MUC6: variants seen among roughly 807,000 people sequenced by gnomAD.
MUC6 encodes mucin 6, oligomeric mucus/gel-forming (gene/pseudogene).
MUC6 carries 188 observed loss-of-function variants against 201.5 expected under a neutral mutation model. The ratio of observed to expected loss-of-function variants is 0.93; its 90% CI spans 0.83 to 1.05. The LOEUF (loss-of-function observed/expected upper bound fraction) is 1.05, where lower values mean the gene tolerates loss of function less well. Ranked by LOEUF, MUC6 falls within the 50% of genes least tolerant of loss-of-function variation. The probability of loss-of-function intolerance (pLI) is 0.00; values close to 1 mark genes in which losing one functional copy is unlikely to be tolerated. For synonymous variants in MUC6, 1,228 were observed against 1,389.4 expected (o/e 0.88, Z 2.58); for missense variants, 2,706 against 3,256.9 (o/e 0.83, Z 4.12).
In MUC6 at chr11:1,025,012, G is replaced by T. The variant is rs777669127; in HGVS notation, c.3057C>A (p.Tyr1019Ter). The T allele has an allele frequency of 6.8e-6, 11 of 1,612,956 alleles. No individual in the cohort carries two copies. The highest frequency in any genetic ancestry group is 7.6e-6 in the Non-Finnish European group (9 of 1,179,836). Residue 1019 changes from tyrosine (Y) to a stop codon, truncating the protein, a stop_gained, in exon 24 of 33, where the codon TAC becomes TAA. Transcript: ENST00000421673. LOFTEE classifies it high-confidence loss of function. ...MKDDFETRSR[Y>*]VASSELELVN... ...CCAACTCCAGCTCGCTGGATGCCACGTACCTGCTGCGCGTCTCGAAGTCGT... is the reference window on the plus strand; with the variant it reads ...CCAACTCCAGCTCGCTGGATGCCACTTACCTGCTGCGCGTCTCGAAGTCGT...
chr11:1,027,594 G>C, intron 16 of MUC6, 77 bp from the exon 17 acceptor site: 6 of 1,592,042 alleles, frequency 3.8e-6, no homozygotes, highest in Non-Finnish European at 5.1e-6. Context: ...TGCCTGCCGG[G>C]CACTGCAGAG....
At chr11:1,024,713 C>T in intron 24 of MUC6, 131 bp downstream of exon 24, 1 of 1,413,240 alleles carries the variant, frequency 7.1e-7, no homozygotes, top group East Asian at 2.5e-5. Flanking sequence ...GTCTGAAACT[C>T]TCTGCACCCT....
chr11:1,014,828 C>A (rs1444776025), intron 31 of MUC6, among the ~76,000 whole-genome samples: 1 of 152,160 alleles, frequency 6.6e-6, no homozygotes, highest in Non-Finnish European at 1.5e-5. Context: ...CTTCCATAGG[C>A]CCTGCCGTCC....
Position 1,025,312 on chromosome 11 carries a change from T to G in MUC6, c.2855A>C (p.His952Pro), listed in dbSNP as rs1856929468. The G allele has an allele frequency of 1.9e-6, 3 of 1,612,392 alleles. No homozygotes were observed. The highest frequency in any genetic ancestry group is 2.5e-6 in the Non-Finnish European group (3 of 1,179,678). The change falls in exon 23 of 33, where the codon CAC becomes CCC. Residue 952 changes from histidine to proline, a missense_variant. Physicochemically the swap from His to Pro is moderately conservative, Grantham distance 77 (BLOSUM62 -2). Coordinates refer to ENST00000421673, the MANE Select transcript of MUC6 (RefSeq NM_005961.3). Reference sequence around the variant, plus strand: ...ACCCGGCGTCACCCCGAGCTGCACGTGGGGCTCCTCCCCGGTGACCGTGTA... The same window carrying G: ...ACCCGGCGTCACCCCGAGCTGCACGGGGGGCTCCTCCCCGGTGACCGTGTA... Reference protein sequence around the residue: ...RNYTVTGEEPHVQLGVTPGAL... With the variant: ...RNYTVTGEEPPVQLGVTPGAL...
In MUC6 at chr11:1,023,570, C is replaced by T. The variant is rs1246960082; in HGVS notation, c.3465G>A (p.Trp1155Ter). 14 of 1,609,056 alleles carry T rather than the reference C, an allele frequency of 8.7e-6. No homozygotes were observed. The highest frequency in any genetic ancestry group is 1.2e-5 in the Non-Finnish European group (14 of 1,178,330). Residue 1155 changes from tryptophan to a stop codon, truncating the protein, a stop_gained, in exon 26 of 33, where the codon TGG becomes TGA. Coordinates refer to ENST00000421673, the MANE Select transcript of MUC6 (RefSeq NM_005961.3). LOFTEE classifies it high-confidence loss of function. Reference sequence around the variant, plus strand: ...TGGGGCAGAGGCAGGGCTGGTAGTGCCACGTGCAGTTGGCCTCCTGTGTGT... The same window carrying T: ...TGGGGCAGAGGCAGGGCTGGTAGTGTCACGTGCAGTTGGCCTCCTGTGTGT... The part of the protein sequence containing the change: ...YQYTQEANCT[W>*]HYQPCLCPSQ...
At chr11:1,032,085 T>A (rs1315905063) in intron 2 of MUC6, 32 bp from the exon 3 acceptor site, 1 of 1,605,266 alleles carries the variant, frequency 6.2e-7, no homozygotes, top group Non-Finnish European at 8.5e-7. Flanking sequence ...CACAGCCCTG[T>A]GTCCCCACCA....
Position 1,015,895 on chromosome 11 carries a change from G to A in MUC6, c.6906C>T (p.Asn2302=). ...VTGIPTSPVT[N]LTTRHPGPTL... The stretch of plus-strand genomic sequence containing the variant: ...TGGGACCAGGGTGCCTGGTGGTAAG[G>A]TTGGTGACTGGAGAGGTGGGGATAC... The change falls in exon 31 of 33, where the codon AAC becomes AAT. Residue 2302 remains asparagine, a synonymous_variant. Transcript: ENST00000421673. The A allele has an allele frequency of 6.2e-7, 1 of 1,608,646 alleles. No homozygotes were observed. The highest frequency in any genetic ancestry group is 8.5e-7 in the Non-Finnish European group (1 of 1,176,844).
At chr11:1,025,645 G>A (rs115264829) in intron 22 of MUC6, among the ~76,000 whole-genome samples, 160 bp downstream of exon 22, 3,231 of 152,256 alleles carry the variant, frequency 0.021, 129 homozygotes, top group African/African-American at 0.074. Flanking sequence ...GGTCCTGAGC[G>A]TCTGGCCAGG....
Position 1,013,584 on chromosome 11 carries a change from G to C in MUC6, c.7192C>G (p.Pro2398Ala). 1.3e-6 allele frequency: 2 copies of C among 1,570,598 alleles called. No individual in the cohort carries two copies. Among genetic ancestry groups the C allele is most frequent in the Non-Finnish European group, 8.6e-7 (1 of 1,159,644 alleles). ...QVDARCSCCR[P>A]LHSYEQQLEL... ...AGCTGCTGCTCATAGGAGTGGAGGGGGCGGCAGCAGCTGCAGCGGGCATCC... is the reference window on the plus strand; with the variant it reads ...AGCTGCTGCTCATAGGAGTGGAGGGCGCGGCAGCAGCTGCAGCGGGCATCC... The change falls in exon 33 of 33, where the codon CCC (proline) becomes GCC (alanine). Residue 2398 changes from proline to alanine, a missense_variant. This residue lies in a region of MUC6 where 586 missense variants were observed against 488.0 expected (regional missense o/e 1.20). Coordinates refer to ENST00000421673, the MANE Select transcript of MUC6 (RefSeq NM_005961.3).
intron 25 of MUC6, 72 bp from the exon 26 acceptor site, chr11:1,023,724 G>A: frequency 6.3e-7 from 1 of 1,577,678 alleles, no homozygotes; most frequent in Non-Finnish European, 8.6e-7. Flanking sequence ...TGGTTCCCCT[G>A]GGCATGCATG....
Position 1,018,677 on chromosome 11 carries a change from G to T in MUC6, c.4124C>A (p.Pro1375Gln), listed in dbSNP as rs535117533. ...TPASTTGPTT[P>Q]QPGQPTRPTA... The stretch of plus-strand genomic sequence containing the variant: ...GGGCCTCGTGGGTTGTCCTGGCTGT[G>T]GGGTGGTTGGGCCTGTGGTGCTTGC... The change falls in exon 31 of 33, where the codon CCA (proline) becomes CAA (glutamine). Residue 1375 changes from proline (P) to glutamine (Q), a missense_variant. Pro to Gln is a moderately conservative substitution (Grantham distance 76). Coordinates refer to ENST00000421673, the MANE Select transcript of MUC6 (RefSeq NM_005961.3). 6 of 1,613,038 alleles carry T rather than the reference G, an allele frequency of 3.7e-6. No individual in the cohort carries two copies. Among genetic ancestry groups the T allele is most frequent in the Non-Finnish European group, 5.1e-6 (6 of 1,179,568 alleles).
intron 20 of MUC6, 38 bp from the exon 21 acceptor site, chr11:1,026,179 C>T (rs1564841062): frequency 1.9e-6 from 3 of 1,567,070 alleles, no homozygotes; most frequent in Non-Finnish European, 2.6e-6. Context: ...GGCCTGCGGC[C>T]CTCCTGCCAT....
Position 1,033,270 on chromosome 11 carries a change from A to G in MUC6, c.53-195T>C, listed in dbSNP as rs151333838. On this transcript the variant is annotated intron_variant, in intron 1 of 32. Coordinates refer to ENST00000421673, the MANE Select transcript of MUC6 (RefSeq NM_005961.3). This position sits in a 1 kb window ranked among gnomAD's most constrained non-coding sequence, Gnocchi z 5.6. Reference sequence around the variant, plus strand: ...TCCCATGCTGTCCTTCACGAGCCCCAGCTTCCTTCCCTGCTCTCGTTCACT... The same window carrying G: ...TCCCATGCTGTCCTTCACGAGCCCCGGCTTCCTTCCCTGCTCTCGTTCACT... 6.7e-6 allele frequency: 4 copies of G among 599,588 alleles called. No homozygotes were observed. Among genetic ancestry groups the G allele is most frequent in the Non-Finnish European group, 1.2e-5 (4 of 330,950 alleles). The allele number at this position is 599,588 out of a possible 1,614,324, so 37.1% of individuals were successfully genotyped here.
chr11:1,028,033 T>C lies in MUC6; in HGVS notation c.1780A>G (p.Met594Val), dbSNP rs2133831332. The change falls in exon 15 of 33, where the codon ATG (methionine) becomes GTG (valine). Residue 594 changes from methionine (M) to valine (V), a missense_variant. By Grantham distance (21) the Met-to-Val change is conservative. This residue lies in a region of MUC6 where 1,850 missense variants were observed against 1,958.3 expected (regional missense o/e 0.94). Transcript: ENST00000421673. ...AACACCGTGCCTGTCCTCAGCAGCA[T>C]GGAGCAGTGGGTCTCTGCACACACC... ...NKVCAETHCS[M>V]LLRTGTVFER... The C allele has an allele frequency of 6.3e-7, 1 of 1,581,630 alleles. No homozygotes were observed. Among genetic ancestry groups the C allele is most frequent in the Admixed American group, 1.8e-5 (1 of 56,006 alleles).
chr11:1,016,443 G>A lies in MUC6; in HGVS notation c.6358C>T (p.Pro2120Ser), dbSNP rs747114385. Residue 2120 changes from proline to serine, a missense_variant, in exon 31 of 33, where the codon CCT becomes TCT. Around this residue, in one of 10 missense-constraint regions of MUC6, gnomAD observed 586 missense variants for 488.0 expected, o/e 1.20. Transcript: ENST00000421673. The stretch of plus-strand genomic sequence containing the variant: ...GACAGCTGATTAGTTGTGGAAACAG[G>A]AGTGGTTGCAGAACTCAAGTGGGGG... ...QLPHLSSATT[P>S]VSTTNQLSSS... 7.4e-6 allele frequency: 12 copies of A among 1,613,948 alleles called. 1 individual carries two copies. In the Admixed American group the frequency reaches 1.8e-4, roughly 25 times the overall value.
rs1857118822 is a variant in MUC6, at chr11:1,032,002, A to C, written c.167T>G (p.Phe56Cys). ...STWGAGHFSTFDHHVYDFSGT... is the reference protein window; with the variant it reads ...STWGAGHFSTCDHHVYDFSGT... ...CGAGAAGTCGTACACGTGGTGGTCG[A>C]AGGTGGAGAAGTGACCAGCCCCCCA... The change falls in exon 3 of 33, where the codon TTC becomes TGC. Residue 56 changes from phenylalanine (F) to cysteine (C), a missense_variant. Transcript: ENST00000421673. The C allele has an allele frequency of 6.2e-7, 1 of 1,612,992 alleles. No individual in the cohort carries two copies. The highest frequency in any genetic ancestry group is 1.1e-5 in the South Asian group (1 of 91,018).
At chr11:1,018,849 A>C (rs561848312) in intron 30 of MUC6, 79 bp from the exon 31 acceptor site, 15 of 1,497,328 alleles carry the variant, frequency 1.0e-5, no homozygotes, top group African/African-American at 7.0e-5. Flanking sequence ...CCTTTTGTCT[A>C]TGTGACCTTT....
chr11:1,019,192 T>G (rs1856751647), intron 30 of MUC6, 83 bp downstream of exon 30: 2 of 1,452,574 alleles, frequency 1.4e-6, no homozygotes, highest in Non-Finnish European at 1.9e-6. Context: ...GGGGTCTTCT[T>G]TATGGCTGAA....
chr11:1,030,365 G>GACCCACCCC, intron 7 of MUC6, 30 bp from the exon 8 acceptor site: 1 of 1,538,746 alleles, frequency 6.5e-7, no homozygotes, highest in African/African-American at 1.4e-5. Flanking sequence ...CGGTGAGAGG[G>GACCCACCCC]TCCCACCCCC....
Sources: allele counts gnomAD v4.1 joint callset (sites outside exome capture counted in the v4.1 genomes callset), GRCh38; gene constraint gnomAD v4.1.1; regional missense constraint gnomAD v4.1.1; non-coding constraint Gnocchi (gnomAD v3.1); transcripts MANE v1.5; gene names NCBI Gene and HGNC (gene_info 2026-07-23, HGNC 2026-07-21).